The following CSRNP3 variants were observed in gnomAD, a reference collection of about 807,000 sequenced individuals.
The protein encoded by CSRNP3 is cysteine and serine rich nuclear protein 3, also known as cysteine/serine-rich nuclear protein 3.
In CSRNP3, 12 loss-of-function variants were observed where a neutral mutation model predicts 48.0. The observed-to-expected ratio is 0.25, with a 90% CI of 0.16 to 0.41. The LOEUF (loss-of-function observed/expected upper bound fraction) is 0.41, where lower values mean the gene tolerates loss of function less well. CSRNP3 is among the 10% of genes least tolerant of loss of function. The pLI is 1.00. For missense variants in CSRNP3, 580 were observed against 724.4 expected (o/e 0.80, Z 2.29); for synonymous variants, 263 against 269.7 (o/e 0.98, Z 0.24).
chr2:165,621,229 C>T lies in CSRNP3; in HGVS notation c.148+26016C>T, dbSNP rs115741104. Among the ~76,000 whole-genome samples the T allele has an allele frequency of 1.3e-4, 19 of 151,634 alleles. No homozygotes were observed. The East Asian group carries it at 3.5e-3, about 28-fold the overall frequency. On this transcript the variant is annotated intron_variant, in intron 4 of 6. Transcript: ENST00000651982. ...CCTGTCTGACCACAGATGTTCTTGG[C>T]AGCTTTTTCTGCAGGCGTCCTACCA...
chr2:165,505,805 A>G (rs1684417244), intron 2 of CSRNP3, among the ~76,000 whole-genome samples: 1 of 152,240 alleles, frequency 6.6e-6, no homozygotes, highest in African/African-American at 2.4e-5. Context: ...CTGGTAATAC[A>G]AAACCACAAG....
intron 3 of CSRNP3, among the ~76,000 whole-genome samples, chr2:165,563,689 C>T (rs998307133): frequency 6.6e-6 from 1 of 152,164 alleles, no homozygotes; most frequent in Non-Finnish European, 1.5e-5. Context: ...AGCTGCTAGA[C>T]TTTTGTCTTC....
At chr2:165,560,255 T>A (rs540105371) in intron 3 of CSRNP3, among the ~76,000 whole-genome samples, 25 of 152,322 alleles carry the variant, frequency 1.6e-4, no homozygotes, top group African/African-American at 6.0e-4. Flanking sequence ...AAAATGTTTA[T>A]TGAATGGGAA....
chr2:165,666,379 AAGAG>A (rs762524192), intron 5 of CSRNP3, among the ~76,000 whole-genome samples: 6 of 54,880 alleles, frequency 1.1e-4, no homozygotes, highest in African/African-American at 1.9e-4. Context: ...GAGAGGAAGA[AAGAG>A]AGAGAGAGAA....
rs6705153 is a variant in CSRNP3 at position 165,524,810 on chromosome 2, G to A, written c.-24+6849G>A. The stretch of plus-strand genomic sequence containing the variant: ...TTAAGTAGCATTTATTTGTATGACT[G>A]TACCATGGCTTGTTTATTCATCCAT... On this transcript the variant is annotated intron_variant, in intron 3 of 6. Transcript: ENST00000651982. Among the ~76,000 whole-genome samples the A allele has an allele frequency of 7.2e-3, 1,093 of 152,232 alleles. 11 individuals are homozygous for A. Among genetic ancestry groups the A allele is most frequent in the African/African-American group, 0.025 (1,052 of 41,546 alleles).
At chr2:165,623,042 A>G (rs1686366966) in intron 4 of CSRNP3, among the ~76,000 whole-genome samples, 1 of 152,208 alleles carries the variant, frequency 6.6e-6, no homozygotes, top group African/African-American at 2.4e-5. Context: ...GCAGCCACAG[A>G]TTCGACCAGC....
At chr2:165,610,792 A>C (rs1309501885) in intron 4 of CSRNP3, among the ~76,000 whole-genome samples, 1 of 152,166 alleles carries the variant, frequency 6.6e-6, no homozygotes, top group Non-Finnish European at 1.5e-5. Context: ...TAAAAATATC[A>C]ATGGATTCAT....
At chr2:165,531,045 T>G (rs1016818801) in intron 3 of CSRNP3, among the ~76,000 whole-genome samples, 2 of 152,074 alleles carry the variant, frequency 1.3e-5, no homozygotes, top group African/African-American at 4.8e-5. Flanking sequence ...CTTCACAAAA[T>G]ACTATCCTAA....
intron 3 of CSRNP3, among the ~76,000 whole-genome samples, chr2:165,586,357 T>G (rs1685632457): frequency 6.6e-6 from 1 of 152,164 alleles, no homozygotes; most frequent in South Asian, 2.1e-4. Context: ...ATTTAGATGT[T>G]TTGGTTAATT....
intron 3 of CSRNP3, among the ~76,000 whole-genome samples, chr2:165,581,483 G>A (rs1685544933): frequency 6.6e-6 from 1 of 151,980 alleles, no homozygotes. Context: ...CAGATAGTGG[G>A]GTCTGCTTTG....
intron 3 of CSRNP3, among the ~76,000 whole-genome samples, chr2:165,525,897 G>A (rs1684726720): frequency 6.6e-6 from 1 of 152,094 alleles, no homozygotes; most frequent in African/African-American, 2.4e-5. Context: ...CATATGATCT[G>A]TTTGGGGTTA....
intron 4 of CSRNP3, among the ~76,000 whole-genome samples, chr2:165,657,178 G>A (rs1003106631): frequency 1.2e-4 from 19 of 152,148 alleles, no homozygotes; most frequent in Middle Eastern, 3.4e-3. Flanking sequence ...TAGCCATCTC[G>A]GTTATCAGAT....
rs1687496689 is a variant in CSRNP3, at chr2:165,679,627, C to G, written c.1632C>G (p.Val544=). The change falls in exon 7 of 7, where the codon GTC becomes GTG. Residue 544 remains valine (V), a synonymous_variant. Transcript: ENST00000651982. ...AAGGCCCCTCCCAAGAAGGGTTTGT[C>G]TCTGCATTGAATGGTGACAGTCACA... ...YLKGPSQEGF[V]SALNGDSHIS... The G allele has an allele frequency of 3.1e-6, 5 of 1,614,116 alleles. No individual in the cohort carries two copies. The Admixed American group carries it at 6.7e-5, about 22-fold the overall frequency.
chr2:165,557,686 A>G (rs1262961352), intron 3 of CSRNP3, among the ~76,000 whole-genome samples: 1 of 152,124 alleles, frequency 6.6e-6, no homozygotes, highest in East Asian at 1.9e-4. Context: ...GAGGACAAAA[A>G]CTGTGTCGTA....
chr2:165,492,701 C>T (rs1303501941), intron 1 of CSRNP3, among the ~76,000 whole-genome samples: 2 of 142,774 alleles, frequency 1.4e-5, no homozygotes, highest in Non-Finnish European at 1.5e-5. Context: ...CTAATAACAC[C>T]CAGTAAGTAA....
intron 1 of CSRNP3, among the ~76,000 whole-genome samples, chr2:165,487,235 A>C (rs1684133341): frequency 7.0e-6 from 1 of 143,796 alleles, no homozygotes; most frequent in Non-Finnish European, 1.5e-5. Flanking sequence ...CAAGAAGGGA[A>C]GTTTAGAGAA....
At chr2:165,608,934 C>CAAAAAA (rs33952227) in intron 4 of CSRNP3, among the ~76,000 whole-genome samples, 37 of 75,580 alleles carry the variant, frequency 4.9e-4, no homozygotes, top group African/African-American at 1.1e-3. Flanking sequence ...ACTAAAAATA[C>CAAAAAA]AAAAAAAAAA....
chr2:165,573,400 A>T (rs1214657346), intron 3 of CSRNP3, among the ~76,000 whole-genome samples: 1 of 152,228 alleles, frequency 6.6e-6, no homozygotes, highest in East Asian at 1.9e-4. Flanking sequence ...TCTATGTAGA[A>T]AATAACCACT....
chr2:165,678,106 TAA>T (rs1687458725), intron 6 of CSRNP3, among the ~76,000 whole-genome samples: 1 of 151,960 alleles, frequency 6.6e-6, no homozygotes, highest in African/African-American at 2.4e-5. Context: ...CCCCAAACAA[TAA>T]GAAGGTAAGC....
Sources: allele counts gnomAD v4.1 joint callset (sites outside exome capture counted in the v4.1 genomes callset), GRCh38; gene constraint gnomAD v4.1.1; transcripts MANE v1.5; gene names NCBI Gene and HGNC (gene_info 2026-07-23, HGNC 2026-07-21).